Variants in NOSTRIN observed in about 807,000 individuals in gnomAD.
The protein encoded by NOSTRIN is nitric oxide synthase trafficking, also known as BM247 homolog.
A neutral mutation model predicts 59.0 loss-of-function variants in NOSTRIN; 63 were observed. That is an observed-to-expected ratio of 1.07 (90% CI 0.87 to 1.32). The LOEUF (loss-of-function observed/expected upper bound fraction) is 1.32. NOSTRIN is among the 40% of genes most tolerant of loss of function. NOSTRIN has a pLI of 0.00. For missense variants in NOSTRIN, 512 were observed against 473.1 expected (o/e 1.08, Z -0.76); for synonymous variants, 200 against 165.4 (o/e 1.21, Z -1.61).
chr2:168,818,163 GT>G, intron 2 of NOSTRIN: 2 of 311,760 alleles, frequency 6.4e-6, no homozygotes, highest in Non-Finnish European at 1.3e-5. Flanking sequence ...ATTATTTTAT[GT>G]TTTTTAGAGA....
chr2:168,861,326 A>G (rs1689432695), intron 14 of NOSTRIN, among the ~76,000 whole-genome samples: 3 of 152,178 alleles, frequency 2.0e-5, no homozygotes, highest in Non-Finnish European at 4.4e-5. Flanking sequence ...CATGGCCTAC[A>G]AACTCCTGTT....
upstream of NOSTRIN, among the ~76,000 whole-genome samples, chr2:168,801,557 A>T (rs1685615523): frequency 6.6e-6 from 1 of 152,104 alleles, no homozygotes; most frequent in South Asian, 2.1e-4. Context: ...CCTGCACACC[A>T]GGGGCAGGTG....
intron 2 of NOSTRIN, among the ~76,000 whole-genome samples, chr2:168,819,415 A>C (rs1268112631): frequency 6.6e-6 from 1 of 152,226 alleles, no homozygotes; most frequent in Non-Finnish European, 1.5e-5. Context: ...ATTTGCAAAC[A>C]TTCTGACTTA....
intron 2 of NOSTRIN, among the ~76,000 whole-genome samples, chr2:168,814,292 A>T (rs1686291064): frequency 6.6e-6 from 1 of 152,212 alleles, no homozygotes; most frequent in African/African-American, 2.4e-5. Context: ...ATGGTTGTTA[A>T]ACCATATCAA....
At chr2:168,789,975 G>A (rs954677666) in intron 2 of NOSTRIN, among the ~76,000 whole-genome samples, 3 of 152,194 alleles carry the variant, frequency 2.0e-5, no homozygotes, top group East Asian at 1.9e-4. Context: ...TCTTAATGCC[G>A]CTGGTTTTTA....
Position 168,803,978 on chromosome 2 carries a change from G to A in NOSTRIN, c.27+1305G>A, listed in dbSNP as rs553440973. On this transcript the variant is annotated intron_variant, in intron 1 of 15. Coordinates refer to ENST00000317647, the MANE Select transcript of NOSTRIN (RefSeq NM_001039724.4). ...GGCGGCAGGCCAGGACAGGGATGGG[G>A]TAAGTGGCAGCAAAATCTTGGCACT... 7.2e-4 allele frequency among the ~76,000 whole-genome samples: 110 copies of A among 152,322 alleles called. 1 individual carries two copies. Among genetic ancestry groups the A allele is most frequent in the Non-Finnish European group, 8.4e-4 (57 of 68,020 alleles).
At position 168,861,953 on chromosome 2, in the gene NOSTRIN, A is replaced by G. The variant is rs1487435818; in HGVS notation, c.1295-7A>G. ...CAGCATACTAATTACAGCTTTATCTATTTCAGCCCCTGGTGCAGCCCAGCT... is the reference window on the plus strand; with the variant it reads ...CAGCATACTAATTACAGCTTTATCTGTTTCAGCCCCTGGTGCAGCCCAGCT... On this transcript the variant is annotated splice_polypyrimidine_tract_variant and splice_region_variant and intron_variant, in intron 14 of 15. Coordinates refer to ENST00000317647, the MANE Select transcript of NOSTRIN (RefSeq NM_001039724.4). 1 of 1,613,936 alleles carries G rather than the reference A, an allele frequency of 6.2e-7. No homozygotes were observed. Among genetic ancestry groups the G allele is most frequent in the Admixed American group, 1.7e-5 (1 of 60,018 alleles).
In NOSTRIN at chr2:168,845,641, C is replaced by T. The variant is rs79078120; in HGVS notation, c.630+2524C>T. ...CCACCACTCCCCCTTCTCAGCATTC[C>T]CAGTGTTTATGTTGAAGCATCATGG... On this transcript the variant is annotated intron_variant, in intron 8 of 15. Coordinates refer to ENST00000317647, the MANE Select transcript of NOSTRIN (RefSeq NM_001039724.4). 5.4e-3 allele frequency among the ~76,000 whole-genome samples: 818 copies of T among 152,250 alleles called. 25 individuals are homozygous for T. The East Asian group carries it at 0.079, about 15-fold the overall frequency.
At chr2:168,834,507 G>GCGCGCGCGCACA (rs756381301) in intron 7 of NOSTRIN, among the ~76,000 whole-genome samples, 182 bp downstream of exon 7, 29 of 125,342 alleles carry the variant, frequency 2.3e-4, no homozygotes, top group East Asian at 1.2e-3. Flanking sequence ...GCGCGCGCGC[G>GCGCGCGCGCACA]CACACACACA....
chr2:168,815,258 T>C (rs1197269466), intron 2 of NOSTRIN, among the ~76,000 whole-genome samples: 1 of 152,232 alleles, frequency 6.6e-6, no homozygotes, highest in Non-Finnish European at 1.5e-5. Context: ...TTTATCCAAT[T>C]AGCTACCTCA....
At position 168,862,066 on chromosome 2, in the gene NOSTRIN, A is replaced by T; in HGVS notation, c.1384+17A>T. On this transcript the variant is annotated intron_variant, in intron 15 of 15. Transcript: ENST00000317647. ...TGGAAAAGGGTAAGAATCATTCTCA[A>T]ATATTTTAATTGCCTTCCCATATTG... 1 of 1,604,620 alleles carries T rather than the reference A, an allele frequency of 6.2e-7. No individual in the cohort carries two copies. The highest frequency in any genetic ancestry group is 1.3e-5 in the African/African-American group (1 of 74,846).
chr2:168,833,241 A>G (rs571996811), intron 6 of NOSTRIN, among the ~76,000 whole-genome samples: 1 of 152,336 alleles, frequency 6.6e-6, no homozygotes, highest in East Asian at 1.9e-4. Context: ...GAAAAGCCTT[A>G]AAGGACCAAA....
At chr2:168,856,949 A>G (rs1194085875) in intron 12 of NOSTRIN, among the ~76,000 whole-genome samples, 171 bp downstream of exon 12, 2 of 152,218 alleles carry the variant, frequency 1.3e-5, no homozygotes, top group Non-Finnish European at 2.9e-5. Flanking sequence ...GGATCTGGAA[A>G]AATACAACTA....
At chr2:168,833,429 T>G (rs1329606034) in intron 6 of NOSTRIN, among the ~76,000 whole-genome samples, 1 of 152,224 alleles carries the variant, frequency 6.6e-6, no homozygotes, top group African/African-American at 2.4e-5. Context: ...AGACCTCTCC[T>G]TTACTATCTG....
intron 2 of NOSTRIN, among the ~76,000 whole-genome samples, chr2:168,818,748 C>G (rs998029278): frequency 2.6e-5 from 4 of 152,124 alleles, no homozygotes; most frequent in Admixed American, 2.0e-4. Flanking sequence ...TATTGACCAG[C>G]CTTGCATGCT....
chr2:168,831,470 A>G lies in NOSTRIN; in HGVS notation c.343-2A>G. 1.2e-6 allele frequency: 1 copy of G among 863,466 alleles called. No individual in the cohort carries two copies. Among genetic ancestry groups the G allele is most frequent in the South Asian group, 1.3e-5 (1 of 75,832 alleles). The allele number at this position is 863,466 out of a possible 1,614,324, so 53.5% of individuals were successfully genotyped here. The stretch of plus-strand genomic sequence containing the variant: ...TTTGTTTCCTTTTTCCTTTTTCAAT[A>G]GCTTGACAATGAAGTTGAAAAGACA... On this transcript the variant is annotated splice_acceptor_variant, in intron 5 of 15. Transcript: ENST00000317647. LOFTEE classifies it high-confidence loss of function.
At chr2:168,823,766 A>G (rs1686899686) in intron 2 of NOSTRIN, among the ~76,000 whole-genome samples, 3 of 152,108 alleles carry the variant, frequency 2.0e-5, no homozygotes, top group Admixed American at 1.3e-4. Context: ...CATGATGTAA[A>G]AGAAGCTTAG....
At chr2:168,860,731 T>TAA (rs531368238) in intron 13 of NOSTRIN, 64 bp from the exon 14 acceptor site, 625 of 1,033,532 alleles carry the variant, frequency 6.0e-4, no homozygotes, top group Middle Eastern at 3.0e-3. Context: ...ACAGAAGAGT[T>TAA]AATTTTCATG....
chr2:168,848,020 G>A (rs1688529866), intron 8 of NOSTRIN, among the ~76,000 whole-genome samples: 1 of 152,186 alleles, frequency 6.6e-6, no homozygotes, highest in Admixed American at 6.5e-5. Context: ...CACTAGGGAT[G>A]CAATATGTTC....
Sources: allele counts gnomAD v4.1 joint callset (sites outside exome capture counted in the v4.1 genomes callset), GRCh38; gene constraint gnomAD v4.1.1; transcripts MANE v1.5; gene names NCBI Gene and HGNC (gene_info 2026-07-23, HGNC 2026-07-21).